Variants in EBF1 observed in about 807,000 individuals in gnomAD.
EBF1 encodes EBF transcription factor 1.
EBF1 carries 10 observed loss-of-function variants against 68.4 expected under a neutral mutation model. The ratio of observed to expected loss-of-function variants is 0.15; its 90% CI spans 0.09 to 0.25. The LOEUF (loss-of-function observed/expected upper bound fraction) is 0.25. EBF1 is among the 10% of genes least tolerant of loss of function. The pLI, the probability that EBF1 is intolerant of heterozygous loss-of-function variation, is 1.00. For missense variants in EBF1, 509 were observed against 794.4 expected (o/e 0.64, Z 4.32); for synonymous variants, 298 against 299.8 (o/e 0.99, Z 0.06).
intron 10 of EBF1, among the ~76,000 whole-genome samples, chr5:158,740,298 C>CGCGGAGTTCTGGGCTGAATT (rs1274655337): frequency 4.1e-4 from 63 of 152,278 alleles, no homozygotes; most frequent in African/African-American, 1.5e-3. Context: ...GCTAACCAAA[C>CGCGGAGTTCTGGGCTGAATT]GCGGAGTTCT....
intron 7 of EBF1, among the ~76,000 whole-genome samples, chr5:158,830,004 A>G (rs1787153377): frequency 6.6e-6 from 1 of 152,146 alleles, no homozygotes; most frequent in Non-Finnish European, 1.5e-5. Context: ...GCTTTAAAGA[A>G]CTCTAAAGAG....
intron 6 of EBF1, among the ~76,000 whole-genome samples, chr5:158,970,975 A>G (rs1297299012): frequency 2.6e-5 from 4 of 152,224 alleles, no homozygotes; most frequent in Admixed American, 6.5e-5. Flanking sequence ...CCCCTGGGAC[A>G]TTTAAACCAA....
At chr5:158,918,986 AC>A (rs1302409904) in intron 6 of EBF1, among the ~76,000 whole-genome samples, 1 of 152,214 alleles carries the variant, frequency 6.6e-6, no homozygotes, top group Non-Finnish European at 1.5e-5. Flanking sequence ...CATGAAGCCA[AC>A]CCTTCCAATA....
chr5:158,781,217 T>C (rs1302460320), intron 9 of EBF1, among the ~76,000 whole-genome samples: 1 of 152,206 alleles, frequency 6.6e-6, no homozygotes, highest in Non-Finnish European at 1.5e-5. Flanking sequence ...TTAAAACACT[T>C]GGATGAAAAC....
chr5:158,929,270 T>C (rs1365418440), intron 6 of EBF1, among the ~76,000 whole-genome samples: 2 of 152,194 alleles, frequency 1.3e-5, no homozygotes, highest in Non-Finnish European at 2.9e-5. Flanking sequence ...GTAGAGTATG[T>C]ACAACTTCAG....
At chr5:158,816,680 C>A (rs1024839021) in intron 8 of EBF1, among the ~76,000 whole-genome samples, 1 of 152,020 alleles carries the variant, frequency 6.6e-6, no homozygotes, top group Non-Finnish European at 1.5e-5. Flanking sequence ...CAGCAGTCCT[C>A]TACTCTAAAG....
chr5:158,901,683 T>C (rs973045072), intron 6 of EBF1, among the ~76,000 whole-genome samples: 1 of 152,248 alleles, frequency 6.6e-6, no homozygotes, highest in Admixed American at 6.5e-5. Context: ...ATGTTAGTTA[T>C]ATGAAGTAGG....
At chr5:158,816,820 A>T (rs1783850179) in intron 8 of EBF1, among the ~76,000 whole-genome samples, 1 of 152,218 alleles carries the variant, frequency 6.6e-6, no homozygotes, top group Non-Finnish European at 1.5e-5. Flanking sequence ...AAGGACTCTT[A>T]AAATGTTTGA....
chr5:158,853,617 G>C (rs1050681991), intron 6 of EBF1, among the ~76,000 whole-genome samples: 6 of 152,132 alleles, frequency 3.9e-5, no homozygotes, highest in African/African-American at 1.4e-4. Flanking sequence ...GAAAGATAAG[G>C]AGAAGTGGAG....
intron 6 of EBF1, among the ~76,000 whole-genome samples, chr5:158,900,991 T>C (rs1330839914): frequency 1.3e-5 from 2 of 152,230 alleles, no homozygotes; most frequent in Admixed American, 1.3e-4. Flanking sequence ...CCTTACATAT[T>C]ACTCAAGAAT....
intron 6 of EBF1, among the ~76,000 whole-genome samples, chr5:158,878,754 T>C (rs930254733): frequency 1.3e-5 from 2 of 151,700 alleles, no homozygotes; most frequent in African/African-American, 2.4e-5. Flanking sequence ...AGTGAGTCTC[T>C]TTCCTCAGCC....
intron 6 of EBF1, among the ~76,000 whole-genome samples, chr5:158,962,759 T>A (rs1472021830): frequency 6.6e-6 from 1 of 152,202 alleles, no homozygotes; most frequent in Non-Finnish European, 1.5e-5. Flanking sequence ...CCTGCGGGAC[T>A]AAAAAGGTAT....
chr5:159,028,914 G>T (rs1231286234), intron 6 of EBF1, among the ~76,000 whole-genome samples: 2 of 152,224 alleles, frequency 1.3e-5, no homozygotes, highest in Non-Finnish European at 2.9e-5. Context: ...TGAGGCTGGA[G>T]TGTGGCAGAG....
intron 6 of EBF1, among the ~76,000 whole-genome samples, chr5:158,954,588 G>A (rs910101438): frequency 9.9e-5 from 15 of 152,196 alleles, no homozygotes; most frequent in African/African-American, 3.6e-4. Context: ...AACCTAATGA[G>A]GGGGTACGGA....
At chr5:158,903,889 G>A (rs1002950285) in intron 6 of EBF1, among the ~76,000 whole-genome samples, 5 of 152,120 alleles carry the variant, frequency 3.3e-5, no homozygotes, top group South Asian at 2.1e-4. Flanking sequence ...TCCCCACCCC[G>A]TGAGGTAAAG....
At chr5:158,722,868 C>CT (rs943946775) in intron 11 of EBF1, among the ~76,000 whole-genome samples, 3 of 152,162 alleles carry the variant, frequency 2.0e-5, no homozygotes, top group Non-Finnish European at 2.9e-5. Context: ...GGGCTTCAGT[C>CT]TTTAAGGGGA....
intron 1 of EBF1, among the ~76,000 whole-genome samples, chr5:159,098,523 A>G (rs1783057630): frequency 6.6e-6 from 1 of 152,144 alleles, no homozygotes; most frequent in South Asian, 2.1e-4. Context: ...ATGGGACGAA[A>G]AAACAGGAAA....
At chr5:158,720,006 C>A (rs148818045) in intron 11 of EBF1, among the ~76,000 whole-genome samples, 280 of 152,268 alleles carry the variant, frequency 1.8e-3, no homozygotes, top group Admixed American at 5.1e-3. Flanking sequence ...CCTGTCACTG[C>A]ACATTTCCCT....
chr5:159,027,709 C>G (rs1767973094), intron 6 of EBF1, among the ~76,000 whole-genome samples: 1 of 152,214 alleles, frequency 6.6e-6, no homozygotes, highest in African/African-American at 2.4e-5. Flanking sequence ...TGTGTAGCAG[C>G]TGGCATCTGA....
Sources: gnomAD v4.1 joint callset for allele counts (sites outside exome capture counted in the v4.1 genomes callset) on GRCh38, gnomAD v4.1.1 for gene constraint, MANE v1.5 for transcripts, NCBI Gene and HGNC (gene_info 2026-07-23, HGNC 2026-07-21) for gene names.